Variants in AHI1 observed in about 807,000 individuals in gnomAD.
AHI1 encodes the protein Abelson helper integration site 1, also known as jouberin.
In AHI1, 123 loss-of-function variants were observed where a neutral mutation model predicts 149.3. The observed-to-expected ratio is 0.82, with a 90% CI of 0.71 to 0.96. AHI1 has a LOEUF of 0.96. AHI1 is among the 40% of genes least tolerant of loss of function. The pLI, the probability that AHI1 is intolerant of heterozygous loss-of-function variation, is 0.00. For synonymous variants in AHI1, 475 were observed against 459.8 expected (o/e 1.03, Z -0.42); for missense variants, 1,439 against 1,422.7 (o/e 1.01, Z -0.18).
chr6:135,478,096 G>A (rs1333958882), intron 5 of AHI1, among the ~76,000 whole-genome samples: 5 of 152,052 alleles, frequency 3.3e-5, no homozygotes, highest in Admixed American at 3.3e-4. Flanking sequence ...CCACAGCGCC[G>A]AGCCTCAGGT....
At chr6:135,411,264 T>TC in intron 21 of AHI1, 84 bp downstream of exon 21, 1 of 1,284,700 alleles carries the variant, frequency 7.8e-7, no homozygotes, top group Non-Finnish European at 1.1e-6. Flanking sequence ...TTAACTTACT[T>TC]CATTAAATGA....
At chr6:135,412,993 T>G (rs1021982850) in intron 20 of AHI1, among the ~76,000 whole-genome samples, 1 of 152,140 alleles carries the variant, frequency 6.6e-6, no homozygotes. Context: ...TATGGACCAA[T>G]GAACAGATTT....
At chr6:135,322,554 G>A (rs1419257117) in intron 25 of AHI1, among the ~76,000 whole-genome samples, 1 of 151,758 alleles carries the variant, frequency 6.6e-6, no homozygotes, top group Non-Finnish European at 1.5e-5. Context: ...TAAAATACAA[G>A]AAAGGTTCAT....
chr6:135,375,693 T>A (rs1005743366), intron 23 of AHI1, among the ~76,000 whole-genome samples: 1 of 152,178 alleles, frequency 6.6e-6, no homozygotes, highest in South Asian at 2.1e-4. Flanking sequence ...TAAAGACAAC[T>A]GGGAATATCA....
chr6:135,466,580 T>C (rs1181722990), intron 6 of AHI1, among the ~76,000 whole-genome samples: 1 of 152,212 alleles, frequency 6.6e-6, no homozygotes, highest in Non-Finnish European at 1.5e-5. Flanking sequence ...TGAATGTAAC[T>C]TCAGATTAAA....
intron 26 of AHI1, among the ~76,000 whole-genome samples, chr6:135,307,759 A>ATATAAAT (rs1784686967): frequency 6.6e-6 from 1 of 150,928 alleles, no homozygotes. Flanking sequence ...TATATATATT[A>ATATAAAT]TACATAAAAA....
chr6:135,371,224 T>C (rs761621544), intron 23 of AHI1, among the ~76,000 whole-genome samples: 28 of 152,242 alleles, frequency 1.8e-4, no homozygotes, highest in Admixed American at 2.6e-4. Context: ...TTGAGATTTC[T>C]GTTTCATTGA....
chr6:135,379,055 T>C (rs548045313), intron 23 of AHI1, among the ~76,000 whole-genome samples: 112 of 152,316 alleles, frequency 7.4e-4, no homozygotes, highest in African/African-American at 2.4e-3. Flanking sequence ...CAAAATACAC[T>C]GTATAGTTCC....
intron 23 of AHI1, among the ~76,000 whole-genome samples, chr6:135,379,930 TCCC>T (rs1432447272): frequency 2.7e-4 from 22 of 80,690 alleles, no homozygotes; most frequent in East Asian, 2.7e-3. Context: ...CCTCCCTCCC[TCCC>T]CCAACTCCCT....
rs200911516 is a variant in AHI1 at position 135,311,622 on chromosome 6, AG to A, written c.3426+6896del. Among the ~76,000 whole-genome samples, 811 of 152,354 alleles carry A rather than the reference AG, an allele frequency of 5.3e-3. 17 individuals carry two copies. Among genetic ancestry groups the A allele is most frequent in the Admixed American group, 0.05 (764 of 15,296 alleles). ...TCCTCCCCAAATAAATGGATCATAA[AG>A]GTTAATGCTTAGGCTAGCAAAAATA... On this transcript the variant is annotated intron_variant, in intron 26 of 28. Coordinates refer to ENST00000265602, the MANE Select transcript of AHI1 (RefSeq NM_001134831.2).
rs121434349 is a variant in AHI1 at position 135,455,775 on chromosome 6, G to T, written c.1303C>A (p.Arg435=). 2.0e-5 allele frequency: 32 copies of T among 1,602,926 alleles called. No individual in the cohort carries two copies. The African/African-American group carries it at 4.0e-4, about 20-fold the overall frequency. ...VFNENFPYLL[R]GSDESPKVIL... is the part of the protein sequence containing the mutation. ...ACTTTAGGACTCTCATCAGAGCCTCGAAGCAAATAGGGAAAATTTTCATTA... is the reference window on the plus strand; with the variant it reads ...ACTTTAGGACTCTCATCAGAGCCTCTAAGCAAATAGGGAAAATTTTCATTA... The change falls in exon 10 of 29, where the codon CGA becomes AGA. Residue 435 remains arginine, a synonymous_variant. Transcript: ENST00000265602.
At chr6:135,323,586 T>C (rs1787203621) in intron 24 of AHI1, among the ~76,000 whole-genome samples, 1 of 152,232 alleles carries the variant, frequency 6.6e-6, no homozygotes, top group Non-Finnish European at 1.5e-5. Context: ...GTTAATTTTT[T>C]AAAGTAAATT....
intron 21 of AHI1, among the ~76,000 whole-genome samples, chr6:135,409,122 T>G (rs1373862842): frequency 2.6e-5 from 4 of 152,146 alleles, no homozygotes; most frequent in African/African-American, 9.6e-5. Context: ...TTGTTAAAGA[T>G]TTACTATTTT....
At chr6:135,482,086 C>G (rs1793741468) in intron 5 of AHI1, among the ~76,000 whole-genome samples, 1 of 152,148 alleles carries the variant, frequency 6.6e-6, no homozygotes, top group Admixed American at 6.5e-5. Flanking sequence ...CTTCTCTGAT[C>G]TGTGGGTGTA....
intron 16 of AHI1, among the ~76,000 whole-genome samples, chr6:135,431,985 C>T (rs1784723282): frequency 7.2e-6 from 1 of 139,270 alleles, no homozygotes; most frequent in South Asian, 2.3e-4. Context: ...ACTGGAGTAA[C>T]ATGGACCAAT....
In AHI1 at chr6:135,418,508, A is replaced by T. The variant is rs116570508; in HGVS notation, c.2765-6964T>A. 7.5e-3 allele frequency among the ~76,000 whole-genome samples: 1,146 copies of T among 152,220 alleles called. 17 individuals are homozygous for T. The highest frequency in any genetic ancestry group is 0.026 in the African/African-American group (1,087 of 41,550). On this transcript the variant is annotated intron_variant, in intron 20 of 28. Transcript: ENST00000265602. ...TCTTGAGTTAAACAATTATGAAAAA[A>T]TAATGTGGTTTTCTCAAGAGATTTT...
At chr6:135,490,138 G>A in intron 5 of AHI1, 1 of 716,298 alleles carries the variant, frequency 1.4e-6, no homozygotes, top group Non-Finnish European at 2.6e-6. Context: ...ATTCCTTCAA[G>A]TGTGCTGCCA....
intron 23 of AHI1, among the ~76,000 whole-genome samples, chr6:135,384,459 G>A (rs902653257): frequency 1.3e-5 from 2 of 152,092 alleles, no homozygotes; most frequent in African/African-American, 4.8e-5. Flanking sequence ...AACAGAATAT[G>A]GATCTAAATA....
At chr6:135,357,088 A>G (rs1168595447) in intron 24 of AHI1, among the ~76,000 whole-genome samples, 2 of 152,098 alleles carry the variant, frequency 1.3e-5, no homozygotes, top group African/African-American at 2.4e-5. Context: ...ACAGGCATGC[A>G]CCACCATGCC....
Sources: gnomAD v4.1 joint callset for allele counts (sites outside exome capture counted in the v4.1 genomes callset) on GRCh38, gnomAD v4.1.1 for gene constraint, MANE v1.5 for transcripts, NCBI Gene and HGNC (gene_info 2026-07-23, HGNC 2026-07-21) for gene names.